The following GSG1L variants were observed in gnomAD, a reference collection of about 807,000 sequenced individuals.
GSG1L encodes the protein germ cell-specific gene 1-like protein.
Under a neutral mutation model 42.1 loss-of-function variants are expected in GSG1L, and 24 were observed. The observed-to-expected ratio is 0.57, with a 90% CI of 0.41 to 0.80. The LOEUF is 0.80. Ranked by LOEUF, GSG1L falls within the 30% of genes least tolerant of loss-of-function variation. The pLI is 0.00. For synonymous variants in GSG1L, 215 were observed against 203.5 expected (o/e 1.06, Z -0.48); for missense variants, 445 against 472.2 (o/e 0.94, Z 0.53).
chr16:27,841,280 C>T (rs557518424), intron 4 of GSG1L, among the ~76,000 whole-genome samples: 78 of 152,234 alleles, frequency 5.1e-4, no homozygotes, highest in African/African-American at 1.8e-3. Flanking sequence ...CACCCTTGAC[C>T]GCCCCTCCAC....
chr16:27,857,470 G>A (rs1218864796), intron 3 of GSG1L, among the ~76,000 whole-genome samples: 2 of 151,038 alleles, frequency 1.3e-5, no homozygotes, highest in Non-Finnish European at 3.0e-5. Context: ...GGCCAGGTGC[G>A]ATGGTTCACT....
At chr16:27,905,592 A>G (rs2084311562) in intron 2 of GSG1L, among the ~76,000 whole-genome samples, 2 of 152,158 alleles carry the variant, frequency 1.3e-5, no homozygotes, top group South Asian at 4.1e-4. Context: ...GGGATTACAG[A>G]CATGAGCCAG....
At chr16:27,977,559 CAAAAAAAAAA>C (rs34588077) in intron 1 of GSG1L, among the ~76,000 whole-genome samples, 5 of 44,946 alleles carry the variant, frequency 1.1e-4, no homozygotes, top group Non-Finnish European at 2.0e-4. Flanking sequence ...CACCCTGCCT[CAAAAAAAAAA>C]AAAAAAAAAA....
At chr16:27,854,161 G>T (rs1360235775) in intron 3 of GSG1L, among the ~76,000 whole-genome samples, 1 of 151,330 alleles carries the variant, frequency 6.6e-6, no homozygotes, top group East Asian at 1.9e-4. Flanking sequence ...TCGCCTGGAG[G>T]GGACTGGGAC....
intron 2 of GSG1L, among the ~76,000 whole-genome samples, chr16:27,896,693 G>A (rs1022368844): frequency 1.8e-4 from 28 of 152,186 alleles, no homozygotes; most frequent in African/African-American, 6.3e-4. Flanking sequence ...GGAGACAGGA[G>A]GGTCAGAGAC....
intron 3 of GSG1L, among the ~76,000 whole-genome samples, chr16:27,853,559 A>T (rs1156970317): frequency 1.3e-5 from 2 of 151,944 alleles, no homozygotes; most frequent in Non-Finnish European, 2.9e-5. Context: ...GTGCCCCCCA[A>T]CCTTGTCTTG....
At chr16:28,041,837 C>T (rs945189025) in intron 1 of GSG1L, among the ~76,000 whole-genome samples, 1 of 152,242 alleles carries the variant, frequency 6.6e-6, no homozygotes, top group Admixed American at 6.5e-5. Context: ...TTCACTTACC[C>T]TCTCAGCCTC....
At chr16:27,897,701 C>T (rs1264521970) in intron 2 of GSG1L, among the ~76,000 whole-genome samples, 1 of 152,224 alleles carries the variant, frequency 6.6e-6, no homozygotes, top group Non-Finnish European at 1.5e-5. Flanking sequence ...AAGAAGGAAG[C>T]TTCTCTACCA....
In GSG1L at chr16:28,025,340, C is replaced by T. The variant is rs185053446; in HGVS notation, c.349+37736G>A. On this transcript the variant is annotated intron_variant, in intron 1 of 6. Transcript: ENST00000447459. ...AGCCTTAAATCTCCCCAGATGGCAA[C>T]TCTGGGCAGGGGCCATGCCACCTCA... Among the ~76,000 whole-genome samples the T allele has an allele frequency of 1.4e-4, 21 of 152,286 alleles. No homozygotes were observed. In the East Asian group the frequency reaches 4.1e-3, roughly 29 times the overall value.
chr16:27,999,016 A>T (rs1156275175), intron 1 of GSG1L, among the ~76,000 whole-genome samples: 1 of 152,188 alleles, frequency 6.6e-6, no homozygotes, highest in Non-Finnish European at 1.5e-5. Context: ...GTCACTTGGC[A>T]TTTGAATTAT....
intron 2 of GSG1L, among the ~76,000 whole-genome samples, chr16:27,929,248 T>C (rs1343311969): frequency 6.6e-6 from 1 of 152,192 alleles, no homozygotes; most frequent in Non-Finnish European, 1.5e-5. Context: ...CCTTCTTCTG[T>C]TAACAGCTGA....
chr16:27,852,695 C>T (rs528583923), intron 3 of GSG1L, among the ~76,000 whole-genome samples: 1 of 152,242 alleles, frequency 6.6e-6, no homozygotes, highest in African/African-American at 2.4e-5. Context: ...AAATTTTAAG[C>T]CATCCGAGGC....
At chr16:27,934,400 T>G (rs1224313869) in intron 2 of GSG1L, among the ~76,000 whole-genome samples, 2 of 152,180 alleles carry the variant, frequency 1.3e-5, no homozygotes, top group African/African-American at 4.8e-5. Flanking sequence ...CCAGGCATGA[T>G]GGCAGGTGCC....
Position 28,047,202 on chromosome 16 carries a change from T to C in GSG1L, c.349+15874A>G, listed in dbSNP as rs139775179. Among the ~76,000 whole-genome samples the C allele has an allele frequency of 3.9e-5, 6 of 152,322 alleles. No individual in the cohort carries two copies. In the East Asian group the frequency reaches 9.6e-4, roughly 24 times the overall value. ...TAAGTTGCAACGATTATGACACGTA[T>C]GAATAAAAAACAGAATTCAAGAGCA... On this transcript the variant is annotated intron_variant, in intron 1 of 6. Transcript: ENST00000447459.
intron 1 of GSG1L, among the ~76,000 whole-genome samples, chr16:27,965,130 T>G (rs2085116076): frequency 6.6e-6 from 1 of 152,156 alleles, no homozygotes; most frequent in South Asian, 2.1e-4. Flanking sequence ...GCAATTCTCC[T>G]GCCTCAGCCT....
At chr16:27,823,361 C>T (rs11645119) in intron 5 of GSG1L, among the ~76,000 whole-genome samples, 15,268 of 152,140 alleles carry the variant, frequency 0.1, 900 homozygotes, top group African/African-American at 0.16. Context: ...ACACATAATA[C>T]GCCTTTCTTC....
intron 6 of GSG1L, among the ~76,000 whole-genome samples, chr16:27,807,012 G>A (rs1443158537): frequency 6.6e-6 from 1 of 152,216 alleles, no homozygotes; most frequent in Non-Finnish European, 1.5e-5. Context: ...TTTGCTTTCT[G>A]ATCCTGACAT....
chr16:27,974,973 G>A (rs2085234814), intron 1 of GSG1L, among the ~76,000 whole-genome samples: 1 of 152,114 alleles, frequency 6.6e-6, no homozygotes, highest in Admixed American at 6.5e-5. Context: ...GGCAGGGGAG[G>A]GAAAGGAGCC....
chr16:27,938,672 C>CTGGCAAAAACCTCT (rs2084748925), intron 2 of GSG1L, among the ~76,000 whole-genome samples: 4 of 152,158 alleles, frequency 2.6e-5, no homozygotes, highest in Non-Finnish European at 5.9e-5. Flanking sequence ...CTAGGAAGAG[C>CTGGCAAAAACCTCT]AGAAAAGAGC....
Sources: allele counts gnomAD v4.1 joint callset (sites outside exome capture counted in the v4.1 genomes callset), GRCh38; gene constraint gnomAD v4.1.1; transcripts MANE v1.5; gene names NCBI Gene and HGNC (gene_info 2026-07-23, HGNC 2026-07-21).